Variants in ARHGAP22 observed in about 807,000 individuals in gnomAD.
ARHGAP22 encodes the protein Rho GTPase activating protein 22.
Under a neutral mutation model 59.1 loss-of-function variants are expected in ARHGAP22, and 48 were observed. The observed-to-expected ratio is 0.81, with a 90% CI of 0.64 to 1.03. ARHGAP22 has a LOEUF of 1.03. Among genes scored for constraint, ARHGAP22 ranks in the 50% least tolerant of loss-of-function variants. The pLI is 0.00. For synonymous variants in ARHGAP22, 445 were observed against 416.4 expected (o/e 1.07, Z -0.84); for missense variants, 1,015 against 958.7 (o/e 1.06, Z -0.78).
chr10:48,605,180 G>T (rs1364471126), upstream of ARHGAP22: 25 of 1,119,976 alleles, frequency 2.2e-5, no homozygotes, highest in African/African-American at 5.0e-5. Context: ...AGCCAGAGAC[G>T]CGGGGCGCGG....
chr10:48,517,131 G>A (rs562185920), intron 3 of ARHGAP22, among the ~76,000 whole-genome samples: 9 of 152,304 alleles, frequency 5.9e-5, no homozygotes, highest in Middle Eastern at 3.4e-3. Flanking sequence ...GTTTCTTTCC[G>A]GGGTGATGAC....
At chr10:48,489,985 G>A (rs1345397953) in intron 3 of ARHGAP22, among the ~76,000 whole-genome samples, 1 of 152,062 alleles carries the variant, frequency 6.6e-6, no homozygotes, top group Non-Finnish European at 1.5e-5. Flanking sequence ...CACCCGCCTA[G>A]GCCTCCCAAA....
intron 3 of ARHGAP22, among the ~76,000 whole-genome samples, chr10:48,519,624 C>T (rs1047744894): frequency 6.6e-6 from 1 of 152,238 alleles, no homozygotes; most frequent in Non-Finnish European, 1.5e-5. Flanking sequence ...TGATCCCCAG[C>T]GGCAGACCCA....
chr10:48,605,522 G>A (rs372787921), upstream of ARHGAP22, among the ~76,000 whole-genome samples: 9 of 152,256 alleles, frequency 5.9e-5, no homozygotes, highest in African/African-American at 1.9e-4. Flanking sequence ...GGAATAAGAG[G>A]GCAGGAAGCA....
At chr10:48,521,158 C>T (rs936638007) in intron 3 of ARHGAP22, among the ~76,000 whole-genome samples, 1 of 152,144 alleles carries the variant, frequency 6.6e-6, no homozygotes, top group East Asian at 1.9e-4. Context: ...TTTGGGAGCA[C>T]CTGGAACCCA....
At position 48,637,950 on chromosome 10, in the gene ARHGAP22, C is replaced by G. The variant is rs530832755; in HGVS notation, c.52+14284G>C. On this transcript the variant is annotated intron_variant, in intron 1 of 9. Coordinates refer to the ARHGAP22 transcript ENST00000435790. ...CTTGTGCATTCCATCTTCTTAGACT[C>G]TTATGTTTCTACCACCACTTTTTGG... is the stretch of plus-strand genomic sequence containing the variant. 6.0e-4 allele frequency among the ~76,000 whole-genome samples: 92 copies of G among 152,270 alleles called. No homozygotes were observed. The Middle Eastern group carries it at 0.014, about 23-fold the overall frequency.
intron 4 of ARHGAP22, among the ~76,000 whole-genome samples, chr10:48,468,242 G>A (rs2047906795): frequency 6.6e-6 from 1 of 152,156 alleles, no homozygotes; most frequent in South Asian, 2.1e-4. Context: ...CCCACAAGAT[G>A]TCCTGATCCC....
chr10:48,536,260 T>C (rs981570843), intron 3 of ARHGAP22, among the ~76,000 whole-genome samples: 3 of 152,192 alleles, frequency 2.0e-5, no homozygotes, highest in African/African-American at 7.2e-5. Context: ...GGCCTTGGTG[T>C]TGCCAATGAG....
In ARHGAP22 at chr10:48,583,092, G is replaced by C; in HGVS notation, c.95C>G (p.Pro32Arg). ...CTTCAGCACGGGGCCCAGCCTGTGA[G>C]GGCACGGCATCCGCCCAGGGCTCCG... ...QSRSPGRMPC[P>R]HRLGPVLKAG... Residue 32 changes from proline (P) to arginine (R), a missense_variant, in exon 2 of 10, where the codon CCT becomes CGT. By Grantham distance (103) the Pro-to-Arg change is moderately radical. Transcript: ENST00000249601. The C allele has an allele frequency of 6.2e-7, 1 of 1,614,258 alleles. No homozygotes were observed. Among genetic ancestry groups the C allele is most frequent in the Non-Finnish European group, 8.5e-7 (1 of 1,180,056 alleles).
intron 1 of ARHGAP22, among the ~76,000 whole-genome samples, chr10:48,599,852 C>T (rs370630924): frequency 3.9e-5 from 6 of 152,294 alleles, no homozygotes; most frequent in East Asian, 3.9e-4. Context: ...TGGCATTGTG[C>T]GTACCTGCCA....
Position 48,604,820 on chromosome 10 carries a change from C to G in ARHGAP22, c.-24G>C, listed in dbSNP as rs1178792370. ...ATGTTCTTGCAGCCGTCCGGCCAGC[C>G]CCGCAGGGCCGTTCATGCTGTCATC... On this transcript the variant is annotated 5_prime_UTR_variant, in exon 1 of 10. Transcript: ENST00000249601. 3 of 1,614,160 alleles carry G rather than the reference C, an allele frequency of 1.9e-6. No individual in the cohort carries two copies. The highest frequency in any genetic ancestry group is 1.6e-4 in the Middle Eastern group (1 of 6,062).
At chr10:48,614,459 A>C (rs967283688) in intron 1 of ARHGAP22, among the ~76,000 whole-genome samples, 1 of 152,240 alleles carries the variant, frequency 6.6e-6, no homozygotes, top group South Asian at 2.1e-4. Flanking sequence ...CCCTTATGAA[A>C]AAAGCCCCAT....
chr10:48,461,436 T>C (rs771973276), intron 4 of ARHGAP22, among the ~76,000 whole-genome samples: 1 of 152,200 alleles, frequency 6.6e-6, no homozygotes, highest in Non-Finnish European at 1.5e-5. Context: ...TTGTATGCTT[T>C]TCTGCATGTT....
chr10:48,492,174 C>T (rs2050466317), intron 3 of ARHGAP22, among the ~76,000 whole-genome samples: 1 of 152,186 alleles, frequency 6.6e-6, no homozygotes, highest in African/African-American at 2.4e-5. Flanking sequence ...GGACTTATTC[C>T]ATTATGTTCA....
intron 2 of ARHGAP22, among the ~76,000 whole-genome samples, chr10:48,576,647 T>C (rs1009433729): frequency 1.3e-5 from 2 of 152,298 alleles, no homozygotes; most frequent in Middle Eastern, 3.4e-3. Flanking sequence ...CACTTGCACA[T>C]AGTTTGAAGA....
intron 1 of ARHGAP22, among the ~76,000 whole-genome samples, chr10:48,585,947 G>A (rs1298244667): frequency 3.3e-5 from 5 of 152,032 alleles, no homozygotes; most frequent in Admixed American, 2.0e-4. Context: ...GACTTTCAAG[G>A]AAAACAGCCC....
At chr10:48,489,736 T>TTC (rs1446722560) in intron 3 of ARHGAP22, among the ~76,000 whole-genome samples, 6 of 147,562 alleles carry the variant, frequency 4.1e-5, no homozygotes, top group African/African-American at 1.3e-4. Context: ...GCCTCTTTTT[T>TTC]TTTTTTTTTT....
chr10:48,654,637 C>A (rs913358200), upstream of ARHGAP22, among the ~76,000 whole-genome samples: 1 of 151,824 alleles, frequency 6.6e-6, no homozygotes, highest in African/African-American at 2.4e-5. Context: ...TGAGGTTGCC[C>A]TAAGGATAAG....
chr10:48,513,857 T>C (rs1333961811), intron 3 of ARHGAP22, among the ~76,000 whole-genome samples: 1 of 152,142 alleles, frequency 6.6e-6, no homozygotes, highest in Non-Finnish European at 1.5e-5. Context: ...TCAGCTACTG[T>C]AAATATGTTC....
Sources: gnomAD v4.1 joint callset for allele counts (sites outside exome capture counted in the v4.1 genomes callset) on GRCh38, gnomAD v4.1.1 for gene constraint, MANE v1.5 for transcripts, NCBI Gene and HGNC (gene_info 2026-07-23, HGNC 2026-07-21) for gene names.